Variants in NUP210 observed in about 807,000 individuals in gnomAD.
NUP210 encodes nuclear pore membrane glycoprotein 210.
In NUP210, 151 loss-of-function variants were observed where a neutral mutation model predicts 196.0. The ratio of observed to expected loss-of-function variants is 0.77; its 90% CI spans 0.67 to 0.88. The LOEUF (loss-of-function observed/expected upper bound fraction) is 0.88. NUP210 is among the 40% of genes least tolerant of loss of function. NUP210 has a pLI of 0.00. For missense variants in NUP210, 2,314 were observed against 2,493.7 expected (o/e 0.93, Z 1.53); for synonymous variants, 1,070 against 1,052.7 (o/e 1.02, Z -0.32).
At chr3:13,415,674 T>C (rs776392022) in intron 1 of NUP210, among the ~76,000 whole-genome samples, 4 of 152,162 alleles carry the variant, frequency 2.6e-5, no homozygotes, top group Non-Finnish European at 5.9e-5. Flanking sequence ...TTGGGTTGTT[T>C]CCACTTTGTG....
chr3:13,326,839 C>T (rs1360978057), intron 32 of NUP210, among the ~76,000 whole-genome samples: 1 of 152,186 alleles, frequency 6.6e-6, no homozygotes, highest in African/African-American at 2.4e-5. Context: ...GGCAGGGGAC[C>T]CCCCCACCGA....
In NUP210 at chr3:13,325,894, G is replaced by A. The variant is rs1038517233; in HGVS notation, c.4545C>T (p.Ile1515=). The A allele has an allele frequency of 2.5e-6, 4 of 1,614,000 alleles. No homozygotes were observed. Among genetic ancestry groups the A allele is most frequent in the Non-Finnish European group, 3.4e-6 (4 of 1,180,024 alleles). Reference sequence around the variant, plus strand: ...CACCCGTCTTGGGGTCGATGTGGAGGATGCTGTTGGCCGAGGAGCTCCAGG... The same window carrying A: ...CACCCGTCTTGGGGTCGATGTGGAGAATGCTGTTGGCCGAGGAGCTCCAGG... ...SGTWSSSANS[I]LHIDPKTGVA... is the part of the protein sequence containing the mutation. Residue 1515 remains isoleucine (I), a synonymous_variant, in exon 33 of 40, where the codon ATC becomes ATT. Transcript: ENST00000254508.
Position 13,360,344 on chromosome 3 carries a change from G to A in NUP210, c.2080C>T (p.Leu694Phe). The A allele has an allele frequency of 1.2e-6, 2 of 1,614,242 alleles. No homozygotes were observed. The highest frequency in any genetic ancestry group is 1.7e-6 in the Non-Finnish European group (2 of 1,180,040). Residue 694 changes from leucine (L) to phenylalanine (F), a missense_variant, in exon 15 of 40, where the codon CTC (leucine) becomes TTC (phenylalanine). Transcript: ENST00000254508. ...AEDTDSIGLA[L>F]FAPHSSRNYQ... ...TTCCGGGAGGAATGGGGGGCAAAGA[G>A]AGCCAGGCCGATGCTGTCAGTGTCC...
At chr3:13,326,273 G>A (rs542156016) in intron 32 of NUP210, among the ~76,000 whole-genome samples, 1 of 152,352 alleles carries the variant, frequency 6.6e-6, no homozygotes, top group South Asian at 2.1e-4. Flanking sequence ...ATGGTCTGGT[G>A]CTGCTGCCAG....
rs1330873129 is a variant in NUP210, at chr3:13,348,354, A to G, written c.2835+3525T>C. On this transcript the variant is annotated intron_variant, in intron 20 of 39. Transcript: ENST00000254508. This position sits in a 1 kb window ranked among gnomAD's most constrained non-coding sequence, Gnocchi z 4.0. ...CTCTAGGAACTCTTGTTCTTGGAGT[A>G]AAGGTCTCCCTCTGGTCACAAGTCC... The G allele has an allele frequency of 2.0e-6, 2 of 984,658 alleles. No individual in the cohort carries two copies. Among genetic ancestry groups the G allele is most frequent in the African/African-American group, 3.5e-5 (2 of 57,210 alleles). The allele number at this position is 984,658 out of a possible 1,614,324, so 61.0% of individuals were successfully genotyped here. A position where few individuals can be genotyped will look rare whatever the true frequency, so the allele number is the denominator to read the frequency against.
At chr3:13,381,142 T>C (rs1321897648) in intron 6 of NUP210, among the ~76,000 whole-genome samples, 2 of 152,256 alleles carry the variant, frequency 1.3e-5, no homozygotes, top group Non-Finnish European at 2.9e-5. Context: ...GTTCAGAATA[T>C]GGAGCAGTGC....
chr3:13,333,473 G>A lies in NUP210; in HGVS notation c.3844-1089C>T, dbSNP rs1697083551. 1.3e-5 allele frequency among the ~76,000 whole-genome samples: 2 copies of A among 152,194 alleles called. 1 individual carries two copies. Among genetic ancestry groups the A allele is most frequent in the Admixed American group, 1.3e-4 (2 of 15,288 alleles). ...GATCTGACGAGTGATTCTCTGAGAG[G>A]AAGATGGCCTGATTCCACCCCTCCC... On this transcript the variant is annotated intron_variant, in intron 28 of 39. Coordinates refer to ENST00000254508, the MANE Select transcript of NUP210 (RefSeq NM_024923.4).
intron 6 of NUP210, among the ~76,000 whole-genome samples, chr3:13,381,490 G>A (rs1699099096): frequency 1.3e-5 from 2 of 150,188 alleles, no homozygotes; most frequent in African/African-American, 4.9e-5. Flanking sequence ...TTTCTTAGGT[G>A]CAATCACAGC....
At chr3:13,389,239 T>G (rs1212163587) in intron 4 of NUP210, among the ~76,000 whole-genome samples, 1 of 152,240 alleles carries the variant, frequency 6.6e-6, no homozygotes, top group Admixed American at 6.5e-5. Context: ...CTGGGATTTC[T>G]GTTAGCATTT....
In NUP210 at chr3:13,323,536, GT is replaced by G. The variant is rs1696624676; in HGVS notation, c.4645-105del. On this transcript the variant is annotated intron_variant, in intron 33 of 39. Coordinates refer to ENST00000254508, the MANE Select transcript of NUP210 (RefSeq NM_024923.4). The surrounding 1 kb of genome is among the most constrained non-coding windows in gnomAD (Gnocchi z 4.3). ...TGCAGTCTGTGACATAGTGTCACCC[GT>G]TTCACAGGTGGCAACACTGAGGCTC... The G allele has an allele frequency of 1.5e-6, 2 of 1,322,264 alleles. No individual in the cohort carries two copies. The highest frequency in any genetic ancestry group is 1.5e-5 in the African/African-American group (1 of 68,742). 81.9% of individuals were successfully genotyped at this position (1,322,264 alleles called of 1,614,324 possible).
rs1192824103 is a variant in NUP210 at position 13,359,406 on chromosome 3, C to A, written c.2154+864G>T. On this transcript the variant is annotated intron_variant, in intron 15 of 39. Transcript: ENST00000254508. ...GTTTTATTGTTTTTCTAAAACCACC[C>A]CACTGGTGAGTGGAACCTATCACCA... Among the ~76,000 whole-genome samples the A allele has an allele frequency of 5.3e-5, 8 of 152,196 alleles. No individual in the cohort carries two copies. In the East Asian group the frequency reaches 1.5e-3, roughly 29 times the overall value.
In NUP210 at chr3:13,339,879, G is replaced by A; in HGVS notation, c.3446C>T (p.Thr1149Ile). 5 of 1,613,816 alleles carry A rather than the reference G, an allele frequency of 3.1e-6. No individual in the cohort carries two copies. The highest frequency in any genetic ancestry group is 4.2e-6 in the Non-Finnish European group (5 of 1,180,016). The change falls in exon 25 of 40, where the codon ACC becomes ATC. Residue 1149 changes from threonine (T) to isoleucine (I), a missense_variant. Transcript: ENST00000254508. The part of the protein sequence containing the change: ...SGLVQAVDAE[T>I]GKVVIISQDL... ...CTGAGAGATGATGACCACCTTGCCG[G>A]TCTCTGCATCCACTGCCTGCACGAG...
At chr3:13,327,798 G>T (rs1696829572) in intron 31 of NUP210, among the ~76,000 whole-genome samples, 1 of 152,254 alleles carries the variant, frequency 6.6e-6, no homozygotes, top group Non-Finnish European at 1.5e-5. Context: ...GAAAGGGAAG[G>T]CTGCCCTTAC....
intron 3 of NUP210, among the ~76,000 whole-genome samples, chr3:13,396,782 A>AAT (rs1699671089): frequency 6.7e-6 from 1 of 150,098 alleles, no homozygotes; most frequent in African/African-American, 2.4e-5. Flanking sequence ...AAAAAAAAAA[A>AAT]GTTTCCCTTA....
At chr3:13,416,929 T>C (rs562628540) in intron 1 of NUP210, among the ~76,000 whole-genome samples, 1 of 152,362 alleles carries the variant, frequency 6.6e-6, no homozygotes, top group Non-Finnish European at 1.5e-5. Flanking sequence ...ATGGCATGAT[T>C]TCTTTTTCGT....
rs767559598 is a variant in NUP210 at position 13,366,131 on chromosome 3, CT to C, written c.1787-41del. The C allele has an allele frequency of 5.0e-6, 8 of 1,591,586 alleles. No homozygotes were observed. The Admixed American group carries it at 1.0e-4, about 21-fold the overall frequency. The stretch of plus-strand genomic sequence containing the variant: ...GAACTAGATGGTCACCCTGAAATCA[CT>C]TTTTTCTTTTTTTTGAGATGGAGTC... On this transcript the variant is annotated intron_variant, in intron 13 of 39. Transcript: ENST00000254508.
In NUP210 at chr3:13,379,466, A is replaced by AT; in HGVS notation, c.976+96dup. ...TTCAGACCGTTGAGGGGAAACGGCT[A>AT]TTTTTAGCCCTGCCGAGCTTTCAGG... On this transcript the variant is annotated intron_variant, in intron 7 of 39. Coordinates refer to ENST00000254508, the MANE Select transcript of NUP210 (RefSeq NM_024923.4). The surrounding 1 kb of genome is among the most constrained non-coding windows in gnomAD (Gnocchi z 4.2). The AT allele has an allele frequency of 6.7e-7, 1 of 1,483,414 alleles. No individual in the cohort carries two copies. The allele number at this position is 1,483,414 out of a possible 1,614,324, so 91.9% of individuals were successfully genotyped here. A position where few individuals can be genotyped will look rare whatever the true frequency, so the allele number is the denominator to read the frequency against.
intron 26 of NUP210, 197 bp from the exon 27 acceptor site, chr3:13,337,115 T>G: frequency 1.9e-6 from 1 of 530,950 alleles, no homozygotes; most frequent in Non-Finnish European, 3.3e-6. Flanking sequence ...CCCCATACTG[T>G]CCCTCCCCTG....
rs991764161 is a variant in NUP210 at position 13,317,687 on chromosome 3, G to T, written c.5658C>A (p.Ser1886=). 3 of 1,606,402 alleles carry T rather than the reference G, an allele frequency of 1.9e-6. No homozygotes were observed. The African/African-American group carries it at 4.0e-5, about 21-fold the overall frequency. The change falls in exon 40 of 40, where the codon TCC becomes TCA. Residue 1886 remains serine, a synonymous_variant. Coordinates refer to ENST00000254508, the MANE Select transcript of NUP210 (RefSeq NM_024923.4). ...CCGGGAACCTTCACGCGGCCTAGTGGGAGGCATAGGCTGGGCTCCACAGCC... is the reference window on the plus strand; with the variant it reads ...CCGGGAACCTTCACGCGGCCTAGTGTGAGGCATAGGCTGGGCTCCACAGCC... ...PSGLWSPAYA[S]H
Sources: gnomAD v4.1 joint callset for allele counts (sites outside exome capture counted in the v4.1 genomes callset) on GRCh38, gnomAD v4.1.1 for gene constraint, Gnocchi (gnomAD v3.1) non-coding constraint, MANE v1.5 for transcripts, NCBI Gene and HGNC (gene_info 2026-07-23, HGNC 2026-07-21) for gene names.